Variants in TTC6 observed in about 807,000 individuals in gnomAD.
TTC6 encodes the protein tetratricopeptide repeat protein 6.
Under a neutral mutation model 210.4 loss-of-function variants are expected in TTC6, and 172 were observed. The observed-to-expected ratio is 0.82, with a 90% CI of 0.72 to 0.93. TTC6 has a LOEUF of 0.93. Ranked by LOEUF, TTC6 falls within the 40% of genes least tolerant of loss-of-function variation. TTC6 has a pLI of 0.00. For synonymous variants in TTC6, 804 were observed against 819.6 expected (o/e 0.98, Z 0.32); for missense variants, 2,414 against 2,318.1 (o/e 1.04, Z -0.85).
At chr14:37,751,091 A>G (rs1382060128) in exon 13 of TTC6, 2 of 1,524,664 alleles carry the variant, frequency 1.3e-6, no homozygotes, top group South Asian at 1.2e-5. Context: ...CAGGGGAAAA[A>G]AAGACATAAC....
chr14:37,691,877 G>T (rs1197104675), intron 3 of TTC6, among the ~76,000 whole-genome samples: 1 of 151,924 alleles, frequency 6.6e-6, no homozygotes, highest in Non-Finnish European at 1.5e-5. Flanking sequence ...AAATTCAGAG[G>T]ATCATTAGTA....
At chr14:37,749,483 A>T in intron 11 of TTC6, 82 bp downstream of exon 13, 1 of 1,334,022 alleles carries the variant, frequency 7.5e-7, no homozygotes, top group Non-Finnish European at 9.6e-7. Context: ...TGAAATTTTG[A>T]ACAATGAATG....
intron 10 of TTC6, among the ~76,000 whole-genome samples, chr14:37,748,697 T>C (rs1365977768): frequency 1.3e-5 from 2 of 152,138 alleles, no homozygotes; most frequent in Non-Finnish European, 2.9e-5. Flanking sequence ...ATTGACCTCA[T>C]TTTTTTAGTA....
intron 1 of TTC6, among the ~76,000 whole-genome samples, chr14:37,624,767 G>A (rs923387980): frequency 4.0e-5 from 6 of 151,834 alleles, no homozygotes; most frequent in Admixed American, 6.6e-5. Flanking sequence ...GACTACAGCC[G>A]CCCACCACTA....
At chr14:37,716,386 G>A (rs1218783177) in intron 6 of TTC6, among the ~76,000 whole-genome samples, 2 of 152,008 alleles carry the variant, frequency 1.3e-5, no homozygotes, top group Non-Finnish European at 2.9e-5. Context: ...GCAATTAAAT[G>A]ACGGAGTGGT....
At chr14:37,678,091 AT>A (rs2095774376) in intron 1 of TTC6, among the ~76,000 whole-genome samples, 2 of 152,066 alleles carry the variant, frequency 1.3e-5, no homozygotes, top group Non-Finnish European at 1.5e-5. Context: ...GATTTTGGAC[AT>A]TATGAATTTT....
chr14:37,748,028 T>A (rs1278507766), intron 10 of TTC6, among the ~76,000 whole-genome samples: 3 of 152,188 alleles, frequency 2.0e-5, no homozygotes, highest in Non-Finnish European at 4.4e-5. Context: ...TGATGTGATC[T>A]TATTTACATT....
intron 6 of TTC6, among the ~76,000 whole-genome samples, chr14:37,720,976 G>T (rs901111668): frequency 4.6e-5 from 7 of 151,814 alleles, no homozygotes; most frequent in African/African-American, 1.7e-4. Flanking sequence ...GGGCTAAACT[G>T]GATAAAGGGA....
rs559026443 is a variant in TTC6 at position 37,648,983 on chromosome 14, A to G, written c.939+25980A>G. Among the ~76,000 whole-genome samples the G allele has an allele frequency of 3.5e-4, 52 of 147,438 alleles. No individual in the cohort carries two copies. In the South Asian group the frequency reaches 3.7e-3, roughly 10 times the overall value. Reference sequence around the variant, plus strand: ...CAAGAATCATGTTTATTTATCTACAATTTGGAGATCCACACCTCCCCACCC... The same window carrying G: ...CAAGAATCATGTTTATTTATCTACAGTTTGGAGATCCACACCTCCCCACCC... On this transcript the variant is annotated intron_variant, in intron 1 of 30. Coordinates refer to ENST00000553443, the Ensembl canonical transcript of TTC6.
At chr14:37,701,733 C>T (rs1595125112) in intron 5 of TTC6, among the ~76,000 whole-genome samples, 2 of 152,172 alleles carry the variant, frequency 1.3e-5, no homozygotes, top group South Asian at 4.1e-4. Flanking sequence ...GAACCCATTC[C>T]CAATTGTAAG....
chr14:37,606,884 C>T (rs2095626155), intron 2 of TTC6, 142 bp downstream of exon 2: 9 of 533,958 alleles, frequency 1.7e-5, no homozygotes, highest in Non-Finnish European at 2.2e-5. Flanking sequence ...GGAAAGGCTG[C>T]CTATGGGTCT....
At chr14:37,750,033 G>T (rs1042858507) in intron 12 of TTC6, among the ~76,000 whole-genome samples, 190 bp downstream of exon 14, 1 of 152,030 alleles carries the variant, frequency 6.6e-6, no homozygotes, top group African/African-American at 2.4e-5. Context: ...AAAATACCAT[G>T]GTTTGAAAGG....
intron 14 of TTC6, among the ~76,000 whole-genome samples, chr14:37,773,437 T>A (rs747999272): frequency 3.3e-5 from 5 of 152,170 alleles, no homozygotes; most frequent in Non-Finnish European, 5.9e-5. Context: ...TTGATTTTTG[T>A]ATATACTGTA....
intron 29 of TTC6, chr14:37,837,463 C>T (rs1469329247): frequency 6.7e-6 from 3 of 450,952 alleles, no homozygotes; most frequent in Non-Finnish European, 1.3e-5. Context: ...CCCAACCTGT[C>T]CCAGGGATGA....
At chr14:37,745,726 C>G (rs1049727484) in intron 10 of TTC6, among the ~76,000 whole-genome samples, 9 of 152,146 alleles carry the variant, frequency 5.9e-5, no homozygotes, top group Non-Finnish European at 1.2e-4. Flanking sequence ...AGCATAAGGT[C>G]AGAGCCAGTA....
At chr14:37,623,757 A>G (rs559768418) in intron 1 of TTC6, among the ~76,000 whole-genome samples, 1 of 152,278 alleles carries the variant, frequency 6.6e-6, no homozygotes, top group South Asian at 2.1e-4. Context: ...CTGAGCTGGA[A>G]CCATGCCCAG....
chr14:37,660,727 A>C lies in TTC6; in HGVS notation c.940-19424A>C, dbSNP rs143287813. On this transcript the variant is annotated intron_variant, in intron 1 of 30. Transcript: ENST00000553443. ...TACCTCATAGTGGGATTGCTGGGTC[A>C]AATGGTATTTCTGGTTCTAGATCTT... 1.9e-3 allele frequency among the ~76,000 whole-genome samples: 292 copies of C among 152,324 alleles called. 1 individual carries two copies. The highest frequency in any genetic ancestry group is 3.5e-3 in the Non-Finnish European group (235 of 68,028).
chr14:37,801,272 C>A lies in TTC6; in HGVS notation c.4030-3408C>A, dbSNP rs12591002. Among the ~76,000 whole-genome samples, 27 of 152,182 alleles carry A rather than the reference C, an allele frequency of 1.8e-4. No individual in the cohort carries two copies. In the East Asian group the frequency reaches 4.6e-3, roughly 26 times the overall value. ...CTTAAATGCCTCATCCAGACTTGGA[C>A]CTGCTTTAAATGATGAAATTTTAGA... On this transcript the variant is annotated intron_variant, in intron 20 of 30. Transcript: ENST00000553443.
chr14:37,630,042 T>C (rs1015452009), intron 1 of TTC6, among the ~76,000 whole-genome samples: 1 of 152,176 alleles, frequency 6.6e-6, no homozygotes. Context: ...CTGGATTCAT[T>C]GATTTTTTTG....
Sources: gnomAD v4.1 joint callset for allele counts (sites outside exome capture counted in the v4.1 genomes callset) on GRCh38, gnomAD v4.1.1 for gene constraint, MANE v1.5 for transcripts, NCBI Gene and HGNC (gene_info 2026-07-23, HGNC 2026-07-21) for gene names.